Variants in TAOK1 observed in about 807,000 individuals in gnomAD.
TAOK1 encodes serine/threonine-protein kinase TAO1.
In TAOK1, 21 loss-of-function variants were observed where a neutral mutation model predicts 138.3. That is an observed-to-expected ratio of 0.15 (90% CI 0.11 to 0.22). The LOEUF (loss-of-function observed/expected upper bound fraction) is 0.22, where lower values mean the gene tolerates loss of function less well. Among genes scored for constraint, TAOK1 ranks in the 10% least tolerant of loss-of-function variants. TAOK1 has a pLI of 1.00. For synonymous variants in TAOK1, 361 were observed against 398.4 expected (o/e 0.91, Z 1.12); for missense variants, 651 against 1,227.7 (o/e 0.53, Z 7.02).
At chr17:29,496,477 T>C (rs1000998345) in intron 11 of TAOK1, among the ~76,000 whole-genome samples, 1 of 151,698 alleles carries the variant, frequency 6.6e-6, no homozygotes, top group Non-Finnish European at 1.5e-5. Flanking sequence ...AGTTCTTGAA[T>C]TACAGAATGT....
chr17:29,434,491 A>T (rs923169526), intron 1 of TAOK1, among the ~76,000 whole-genome samples: 4 of 152,080 alleles, frequency 2.6e-5, no homozygotes, highest in Admixed American at 6.5e-5. Flanking sequence ...GAGTGAGAGG[A>T]AAGAGTGTCC....
intron 2 of TAOK1, among the ~76,000 whole-genome samples, chr17:29,452,077 G>A (rs1238446305): frequency 6.6e-6 from 1 of 152,024 alleles, no homozygotes; most frequent in Non-Finnish European, 1.5e-5. Context: ...TTAGCCCGGT[G>A]TGGTGGTGCA....
chr17:29,520,540 A>G (rs1425664230), intron 16 of TAOK1, among the ~76,000 whole-genome samples: 1 of 151,696 alleles, frequency 6.6e-6, no homozygotes. Flanking sequence ...CAGACTCCCA[A>G]GTACCTGGGA....
rs2032461069 is a variant in TAOK1, at chr17:29,549,813, C to T, written c.*6791C>T. On this transcript the variant is annotated 3_prime_UTR_variant, in exon 20 of 20. Transcript: ENST00000261716. ...TCTTTTGGTTCCCATTCCAAATGTG[C>T]TGCTGTCCTTCTTTGCATTTCACAA... 6.6e-6 allele frequency: 1 copy of T among 152,172 alleles called. No homozygotes were observed. The highest frequency in any genetic ancestry group is 6.5e-5 in the Admixed American group (1 of 15,282). The allele number at this position is 152,172 out of a possible 1,614,324, so 9.4% of individuals were successfully genotyped here. A position where few individuals can be genotyped will look rare whatever the true frequency, so the allele number is the denominator to read the frequency against.
intron 3 of TAOK1, 59 bp downstream of exon 3, chr17:29,467,275 A>T: frequency 8.8e-7 from 1 of 1,141,620 alleles, no homozygotes; most frequent in South Asian, 1.5e-5. Flanking sequence ...ATAAATATAT[A>T]CATTCTTTTT....
chr17:29,445,090 TA>T (rs1332939925), intron 1 of TAOK1, among the ~76,000 whole-genome samples: 1 of 152,222 alleles, frequency 6.6e-6, no homozygotes, highest in Non-Finnish European at 1.5e-5. Context: ...TTAGAGTGGA[TA>T]TCATTGCCTT....
intron 16 of TAOK1, among the ~76,000 whole-genome samples, chr17:29,518,647 A>AT (rs1289251169): frequency 1.3e-5 from 2 of 152,296 alleles, no homozygotes; most frequent in African/African-American, 2.4e-5. Flanking sequence ...AATTGATGCA[A>AT]TTTTTTATAT....
At chr17:29,535,584 G>A (rs558798190) in intron 19 of TAOK1, among the ~76,000 whole-genome samples, 1 of 152,070 alleles carries the variant, frequency 6.6e-6, no homozygotes, top group Non-Finnish European at 1.5e-5. Context: ...ACCAGGTGTT[G>A]TGGCTCATGC....
At position 29,498,410 on chromosome 17, in the gene TAOK1, A is replaced by G. The variant is rs757200502; in HGVS notation, c.1092A>G (p.Gln364=). The G allele has an allele frequency of 6.2e-7, 1 of 1,614,222 alleles. No individual in the cohort carries two copies. The highest frequency in any genetic ancestry group is 2.2e-5 in the East Asian group (1 of 44,882). The change falls in exon 12 of 20, where the codon CAA becomes CAG. Residue 364 remains glutamine, a synonymous_variant. Coordinates refer to ENST00000261716, the MANE Select transcript of TAOK1 (RefSeq NM_020791.4). ...IPSMSISASS[Q]SSSVNSLPDV... ...GCATGTCCATCAGTGCCAGCAGCCA[A>G]AGCAGTAGTGTTAACAGTCTTCCAG...
At chr17:29,395,540 C>T (rs550169482) in intron 1 of TAOK1, among the ~76,000 whole-genome samples, 12 of 151,430 alleles carry the variant, frequency 7.9e-5, no homozygotes, top group East Asian at 7.7e-4. Context: ...CAAAACAAAA[C>T]GAAACAAATA....
At chr17:29,486,634 G>GA (rs369044551) in intron 8 of TAOK1, among the ~76,000 whole-genome samples, 64 of 142,494 alleles carry the variant, frequency 4.5e-4, no homozygotes, top group Admixed American at 4.9e-4. Flanking sequence ...TCTGACTCAA[G>GA]AAAAAAAAAA....
At chr17:29,538,439 T>C (rs1434605174) in intron 19 of TAOK1, among the ~76,000 whole-genome samples, 1 of 152,234 alleles carries the variant, frequency 6.6e-6, no homozygotes, top group Non-Finnish European at 1.5e-5. Context: ...TTGGTTTTTA[T>C]GGCTAATATT....
At chr17:29,522,560 G>A in intron 17 of TAOK1, 41 bp downstream of exon 17, 1 of 1,608,974 alleles carries the variant, frequency 6.2e-7, no homozygotes, top group Non-Finnish European at 8.5e-7. Context: ...GGAGGAGAAT[G>A]AAAAGGTATC....
chr17:29,391,629 G>A (rs1026523458), intron 1 of TAOK1, among the ~76,000 whole-genome samples: 1 of 152,182 alleles, frequency 6.6e-6, no homozygotes, highest in Non-Finnish European at 1.5e-5. Flanking sequence ...CGCTTCCCTT[G>A]AAAAGGTTAC....
At chr17:29,501,221 T>TAAAAAAAAAA (rs66503222) in intron 12 of TAOK1, among the ~76,000 whole-genome samples, 2 of 120,614 alleles carry the variant, frequency 1.7e-5, no homozygotes, top group South Asian at 2.8e-4. Context: ...CCCATCTGTT[T>TAAAAAAAAAA]AAAAAAAAAA....
At chr17:29,477,776 T>C in intron 5 of TAOK1, 70 bp downstream of exon 5, 1 of 968,968 alleles carries the variant, frequency 1.0e-6, no homozygotes, top group African/African-American at 1.7e-5. Flanking sequence ...ATTATTTAAA[T>C]GATATTAATA....
At chr17:29,425,368 C>T (rs764551381) in intron 1 of TAOK1, among the ~76,000 whole-genome samples, 1 of 152,090 alleles carries the variant, frequency 6.6e-6, no homozygotes, top group Non-Finnish European at 1.5e-5. Context: ...CCACTGTGTC[C>T]GGCCCATTTT....
At chr17:29,446,380 T>A (rs1389621178) in intron 1 of TAOK1, among the ~76,000 whole-genome samples, 2 of 152,180 alleles carry the variant, frequency 1.3e-5, no homozygotes, top group African/African-American at 4.8e-5. Flanking sequence ...TACCTGGGAC[T>A]ACAGGTGTGC....
rs1219495338 is a variant in TAOK1 at position 29,546,444 on chromosome 17, A to T, written c.*3422A>T. ...TTTTTGAGACCATAAAGCAGACTTT[A>T]GTAACTTTCTATTTCTGTAAGTACT... On this transcript the variant is annotated 3_prime_UTR_variant, in exon 20 of 20. Transcript: ENST00000261716. 1 of 152,158 alleles carries T rather than the reference A, an allele frequency of 6.6e-6. No individual in the cohort carries two copies. Among genetic ancestry groups the T allele is most frequent in the African/African-American group, 2.4e-5 (1 of 41,464 alleles). 9.4% of individuals were successfully genotyped at this position (152,158 alleles called of 1,614,324 possible).
Sources: gnomAD v4.1 joint callset for allele counts (sites outside exome capture counted in the v4.1 genomes callset) on GRCh38, gnomAD v4.1.1 for gene constraint, MANE v1.5 for transcripts, NCBI Gene and HGNC (gene_info 2026-07-23, HGNC 2026-07-21) for gene names.